Variants in CWC27 observed in about 807,000 individuals in gnomAD.
CWC27 encodes CWC27 spliceosome associated cyclophilin.
A neutral mutation model predicts 63.6 loss-of-function variants in CWC27; 47 were observed. That is an observed-to-expected ratio of 0.74 (90% CI 0.58 to 0.94). CWC27 has a LOEUF of 0.94. CWC27 is among the 40% of genes least tolerant of loss of function. The pLI is 0.00. For missense variants in CWC27, 495 were observed against 554.3 expected (o/e 0.89, Z 1.07); for synonymous variants, 175 against 179.8 (o/e 0.97, Z 0.22).
intron 10 of CWC27, among the ~76,000 whole-genome samples, chr5:64,871,165 G>T (rs1366579440): frequency 6.6e-6 from 1 of 152,102 alleles, no homozygotes; most frequent in East Asian, 1.9e-4. Context: ...TTGGTTTAAT[G>T]TATTTATTGA....
intron 13 of CWC27, among the ~76,000 whole-genome samples, chr5:65,004,172 A>G (rs1749784892): frequency 1.3e-5 from 2 of 152,124 alleles, no homozygotes; most frequent in African/African-American, 2.4e-5. Context: ...CAGTTTGATT[A>G]TAATGTGGCT....
chr5:65,006,985 AG>A (rs1749854592), intron 13 of CWC27, among the ~76,000 whole-genome samples: 1 of 149,942 alleles, frequency 6.7e-6, no homozygotes, highest in Non-Finnish European at 1.5e-5. Context: ...AAAGAAAGAA[AG>A]AAAGAAAGAA....
rs79845042 is a variant in CWC27, at chr5:64,798,341, C to T, written c.670-1907C>T. ...AATTGTGGAATACTACATTTTGAAA[C>T]TCATTTGGTCCAACCACCATCTTTC... On this transcript the variant is annotated intron_variant, in intron 7 of 13. Coordinates refer to ENST00000381070, the MANE Select transcript of CWC27 (RefSeq NM_005869.4). Among the ~76,000 whole-genome samples, 579 of 152,240 alleles carry T rather than the reference C, an allele frequency of 3.8e-3. 2 individuals are homozygous for T. Among genetic ancestry groups the T allele is most frequent in the African/African-American group, 0.012 (499 of 41,544 alleles).
chr5:64,879,511 T>C (rs951176670), intron 10 of CWC27, among the ~76,000 whole-genome samples: 7 of 151,864 alleles, frequency 4.6e-5, no homozygotes, highest in Non-Finnish European at 7.4e-5. Context: ...AGAGAAAGAA[T>C]ATCAAAGAGG....
In CWC27 at chr5:64,915,778, C is replaced by T. The variant is rs556085409; in HGVS notation, c.1042+30232C>T. 1.0e-3 allele frequency among the ~76,000 whole-genome samples: 158 copies of T among 152,162 alleles called. 1 individual carries two copies. Among genetic ancestry groups the T allele is most frequent in the African/African-American group, 3.4e-3 (142 of 41,524 alleles). ...CAAGCTTTATAGTAGAAGCTTTACA[C>T]GTATTATTTACTTTAATTCTTACCC... On this transcript the variant is annotated intron_variant, in intron 11 of 13. Coordinates refer to ENST00000381070, the MANE Select transcript of CWC27 (RefSeq NM_005869.4).
At position 64,971,760 on chromosome 5, in the gene CWC27, A is replaced by T. The variant is rs765240687; in HGVS notation, c.1100A>T (p.Tyr367Phe). The T allele has an allele frequency of 6.2e-7, 1 of 1,612,568 alleles. No individual in the cohort carries two copies. The highest frequency in any genetic ancestry group is 2.2e-5 in the East Asian group (1 of 44,634). ...GAATACAGAAGAGAAAAGCAAAAGT[A>T]TGAAGCTTTGAGGAAGCAACAGTCA... ...VAEYRREKQKYEALRKQQSKK... is the reference protein window; with the variant it reads ...VAEYRREKQKFEALRKQQSKK... Residue 367 changes from tyrosine (Y) to phenylalanine (F), a missense_variant, in exon 12 of 14, where the codon TAT becomes TTT. Transcript: ENST00000381070.
Position 64,837,355 on chromosome 5 carries a change from CT to C in CWC27, c.938+32970del, listed in dbSNP as rs1745682997. ...GAGATTAGGAGTTGAAGATGTTAAG[CT>C]CTTCAATAGCCTGCATAGTTTTAAT... On this transcript the variant is annotated intron_variant, in intron 10 of 13. Coordinates refer to ENST00000381070, the MANE Select transcript of CWC27 (RefSeq NM_005869.4). Among the ~76,000 whole-genome samples, 5 of 152,138 alleles carry C rather than the reference CT, an allele frequency of 3.3e-5. 1 individual carries two copies. In the South Asian group the frequency reaches 1.0e-3, roughly 32 times the overall value.
At chr5:64,910,736 G>A (rs1249762665) in intron 11 of CWC27, among the ~76,000 whole-genome samples, 5 of 152,220 alleles carry the variant, frequency 3.3e-5, no homozygotes, top group African/African-American at 4.8e-5. Context: ...GCAAGGCTCT[G>A]TGGGCATGGG....
At chr5:64,800,127 A>C (rs1744437113) in intron 7 of CWC27, 121 bp from the exon 8 acceptor site, 1 of 560,842 alleles carries the variant, frequency 1.8e-6, no homozygotes, top group African/African-American at 2.0e-5. Flanking sequence ...TAAACTTTTC[A>C]GGAATACATC....
At chr5:64,891,417 C>G (rs2112351617) in intron 11 of CWC27, among the ~76,000 whole-genome samples, 1 of 152,196 alleles carries the variant, frequency 6.6e-6, no homozygotes, top group African/African-American at 2.4e-5. Flanking sequence ...ATATTTTAAA[C>G]AAGATATCTT....
At chr5:64,788,689 A>G (rs1743967128) in intron 6 of CWC27, among the ~76,000 whole-genome samples, 1 of 151,998 alleles carries the variant, frequency 6.6e-6, no homozygotes, top group Non-Finnish European at 1.5e-5. Flanking sequence ...TTTAATGGTA[A>G]TGCTCAGAAG....
chr5:64,994,009 A>C (rs902272820), intron 13 of CWC27, among the ~76,000 whole-genome samples: 6 of 152,226 alleles, frequency 3.9e-5, no homozygotes, highest in African/African-American at 1.4e-4. Context: ...CTTTAAAGGT[A>C]GTTTTAAACA....
At chr5:64,800,944 T>G (rs1248735934) in intron 8 of CWC27, among the ~76,000 whole-genome samples, 1 of 152,196 alleles carries the variant, frequency 6.6e-6, no homozygotes, top group Non-Finnish European at 1.5e-5. Flanking sequence ...CTTTTCTTAA[T>G]ACCCTTCTAT....
intron 13 of CWC27, among the ~76,000 whole-genome samples, chr5:65,004,127 G>C (rs958374822): frequency 1.3e-5 from 2 of 152,148 alleles, no homozygotes; most frequent in African/African-American, 2.4e-5. Context: ...TTTCAGGCAT[G>C]AGCCAACATG....
chr5:64,774,478 T>G (rs143631129), intron 1 of CWC27, among the ~76,000 whole-genome samples: 22 of 152,330 alleles, frequency 1.4e-4, no homozygotes, highest in African/African-American at 4.6e-4. Context: ...AATCCCAAAC[T>G]TTTTCTGAAA....
chr5:64,836,787 A>T (rs1406427654), intron 10 of CWC27, among the ~76,000 whole-genome samples: 1 of 152,016 alleles, frequency 6.6e-6, no homozygotes, highest in East Asian at 1.9e-4. Flanking sequence ...TTACTCTGTG[A>T]TGTAAAGCCT....
At chr5:64,878,203 A>G (rs914227574) in intron 10 of CWC27, among the ~76,000 whole-genome samples, 1 of 151,716 alleles carries the variant, frequency 6.6e-6, no homozygotes, top group African/African-American at 2.4e-5. Context: ...ATTTCTTCCC[A>G]AGACCCCCAC....
chr5:64,799,181 T>C (rs1190799003), intron 7 of CWC27, among the ~76,000 whole-genome samples: 1 of 152,232 alleles, frequency 6.6e-6, no homozygotes, highest in Non-Finnish European at 1.5e-5. Flanking sequence ...TTAATCTCTT[T>C]AACCATCTGT....
At chr5:64,874,347 A>G (rs942168055) in intron 10 of CWC27, among the ~76,000 whole-genome samples, 2 of 151,052 alleles carry the variant, frequency 1.3e-5, no homozygotes, top group Non-Finnish European at 3.0e-5. Context: ...TTTTTAGTAG[A>G]GATGGGGCTT....
Sources: allele counts gnomAD v4.1 joint callset (sites outside exome capture counted in the v4.1 genomes callset), GRCh38; gene constraint gnomAD v4.1.1; transcripts MANE v1.5; gene names NCBI Gene and HGNC (gene_info 2026-07-23, HGNC 2026-07-21).